Variants in SEC22B observed in about 807,000 individuals in gnomAD.
SEC22B encodes the protein vesicle-trafficking protein SEC22b.
In SEC22B, 10 loss-of-function variants were observed where a neutral mutation model predicts 31.4. That is an observed-to-expected ratio of 0.32 (90% CI 0.20 to 0.54). The LOEUF (loss-of-function observed/expected upper bound fraction) is 0.54, where lower values mean the gene tolerates loss of function less well. Among genes scored for constraint, SEC22B ranks in the 20% least tolerant of loss-of-function variants. SEC22B has a pLI of 0.94. For missense variants in SEC22B, 130 were observed against 263.4 expected (o/e 0.49, Z 3.50); for synonymous variants, 60 against 95.9 (o/e 0.63, Z 2.19).
rs1553230195 is a variant in SEC22B, at chr1:120,176,325, C to G, written c.57G>C (p.Ser19=). ...AGCTCACCTGTTCGTCCTCCTGCAT[C>G]GAGGCGGCCAGCGGGAGCCCGTCCG... ...RVADGLPLAA[S]MQEDEQSGRD... The change falls in exon 1 of 5, where the codon TCG becomes TCC. Residue 19 remains serine (S), a synonymous_variant. Transcript: ENST00000578049. 6.2e-7 allele frequency: 1 copy of G among 1,612,022 alleles called. No homozygotes were observed. Among genetic ancestry groups the G allele is most frequent in the East Asian group, 2.2e-5 (1 of 44,848 alleles).
intron 2 of SEC22B, among the ~76,000 whole-genome samples, chr1:120,164,552 T>G (rs1182245870): frequency 6.6e-6 from 1 of 152,064 alleles, no homozygotes; most frequent in Non-Finnish European, 1.5e-5. Flanking sequence ...TTAATTCACT[T>G]AGGTAATGAC....
chr1:120,176,401 C>T lies in SEC22B; in HGVS notation c.-20G>A. On this transcript the variant is annotated 5_prime_UTR_variant, in exon 1 of 5. Coordinates refer to ENST00000578049, the MANE Select transcript of SEC22B (RefSeq NM_004892.6). ...CACCATCTTCACAAACTACAGGGAT[C>T]CAACACTGGCCCGGAAGGCCCTTGG... is the stretch of plus-strand genomic sequence containing the variant. 3 of 1,612,002 alleles carry T rather than the reference C, an allele frequency of 1.9e-6. No individual in the cohort carries two copies. Among genetic ancestry groups the T allele is most frequent in the Non-Finnish European group, 2.5e-6 (3 of 1,178,540 alleles).
rs1254628619 is a variant in SEC22B, at chr1:120,154,090, A to G, written c.*2948T>C. 7 of 151,522 alleles carry G rather than the reference A, an allele frequency of 4.6e-5. No homozygotes were observed. The highest frequency in any genetic ancestry group is 4.6e-4 in the Admixed American group (7 of 15,206). The allele number at this position is 151,522 out of a possible 1,614,324, so 9.4% of individuals were successfully genotyped here. On this transcript the variant is annotated 3_prime_UTR_variant, in exon 5 of 5. Transcript: ENST00000578049. Reference sequence around the variant, plus strand: ...GTCTTTACTTCCTAGTGGTTTACACACTCTTTAACCCATATGGCAATCTGG... The same window carrying G: ...GTCTTTACTTCCTAGTGGTTTACACGCTCTTTAACCCATATGGCAATCTGG...
intron 3 of SEC22B, 35 bp from the exon 4 acceptor site, chr1:120,160,565 T>A (rs1657698646): frequency 1.2e-5 from 19 of 1,526,868 alleles, no homozygotes; most frequent in Non-Finnish European, 1.5e-5. Flanking sequence ...ATTTCTTTCA[T>A]GGCCATCAAA....
chr1:120,151,209 G>A lies in SEC22B; in HGVS notation c.*5829C>T, dbSNP rs1245303765. On this transcript the variant is annotated 3_prime_UTR_variant, in exon 5 of 5. Coordinates refer to ENST00000578049, the MANE Select transcript of SEC22B (RefSeq NM_004892.6). Reference sequence around the variant, plus strand: ...AGGCACAGAGTGAGCCAAGGCACAAGGTAAAATGTTTGACTGGTTAGAGAC... The same window carrying A: ...AGGCACAGAGTGAGCCAAGGCACAAAGTAAAATGTTTGACTGGTTAGAGAC... 7.2e-5 allele frequency: 11 copies of A among 152,114 alleles called. No individual in the cohort carries two copies. The highest frequency in any genetic ancestry group is 2.4e-4 in the African/African-American group (10 of 41,412). The allele number at this position is 152,114 out of a possible 1,614,324, so 9.4% of individuals were successfully genotyped here.
rs1657750324 is a variant in SEC22B at position 120,163,361 on chromosome 1, A to G, written c.195T>C (p.Ile65=). The change falls in exon 3 of 5, where the codon ATT becomes ATC. Residue 65 remains isoleucine, a synonymous_variant. Transcript: ENST00000578049. ...AAACCAAATAACACACCCCCTGCTC[A>G]ATAATGTAGCTGGTGAGACATAAAA... ...EAGAMTFHYI[I]EQGVCYLVLC... is the part of the protein sequence containing the mutation. The G allele has an allele frequency of 1.3e-6, 2 of 1,591,238 alleles. No homozygotes were observed. Among genetic ancestry groups the G allele is most frequent in the Non-Finnish European group, 8.5e-7 (1 of 1,169,872 alleles).
chr1:120,157,059 A>G lies in SEC22B; in HGVS notation c.627T>C (p.Tyr209=), dbSNP rs1657638981. The change falls in exon 5 of 5, where the codon TAT becomes TAC. Residue 209 remains tyrosine, a synonymous_variant. Transcript: ENST00000578049. The stretch of plus-strand genomic sequence containing the variant: ...TATTTCACAGCCACCAGAATCGGAC[A>G]TACACTATTAACATGATGAAAAATA... ...VAVFFIMLIV[Y]VRFWWL is the part of the protein sequence containing the mutation. 2.0e-6 allele frequency: 3 copies of G among 1,519,172 alleles called. No individual in the cohort carries two copies. The highest frequency in any genetic ancestry group is 1.8e-5 in the Admixed American group (1 of 54,572). 94.1% of individuals were successfully genotyped at this position (1,519,172 alleles called of 1,614,324 possible). A position where few individuals can be genotyped will look rare whatever the true frequency, so the allele number is the denominator to read the frequency against.
At chr1:120,160,911 C>A (rs1355894578) in intron 3 of SEC22B, among the ~76,000 whole-genome samples, 4 of 142,568 alleles carry the variant, frequency 2.8e-5, no homozygotes, top group South Asian at 2.2e-4. Flanking sequence ...AAAAAAAAAA[C>A]CAAAACAGTT....
At chr1:120,171,289 A>G (rs1657892220) in intron 1 of SEC22B, among the ~76,000 whole-genome samples, 1 of 119,196 alleles carries the variant, frequency 8.4e-6, no homozygotes, top group Non-Finnish European at 1.6e-5. Flanking sequence ...AAAAATTGCC[A>G]CTCAGATTGG....
chr1:120,170,803 G>A (rs1486239208), intron 1 of SEC22B, among the ~76,000 whole-genome samples: 1 of 148,276 alleles, frequency 6.7e-6, no homozygotes, highest in Non-Finnish European at 1.5e-5. Flanking sequence ...ACTGTCATAT[G>A]CTTTTAGCCA....
intron 1 of SEC22B, among the ~76,000 whole-genome samples, chr1:120,175,974 C>A (rs1553230167): frequency 6.6e-6 from 1 of 152,270 alleles, no homozygotes; most frequent in East Asian, 1.9e-4. Context: ...ATCAGCAGTC[C>A]TATTAGCAGC....
chr1:120,160,598 G>T, intron 3 of SEC22B, 68 bp from the exon 4 acceptor site: 1 of 1,437,944 alleles, frequency 7.0e-7, no homozygotes, highest in South Asian at 1.4e-5. Context: ...GAGATTAAAA[G>T]TTCTGAGTTG....
intron 4 of SEC22B, chr1:120,158,009 G>A (rs1422383057): frequency 1.5e-5 from 2 of 134,886 alleles, no homozygotes; most frequent in Non-Finnish European, 1.5e-5. Flanking sequence ...TAGCCAGATA[G>A]ACACAAGCTA....
chr1:120,157,097 C>G lies in SEC22B; in HGVS notation c.589G>C (p.Ala197Pro). The change falls in exon 5 of 5, where the codon GCA becomes CCA. Residue 197 changes from alanine to proline, a missense_variant. Around this residue, in one of 4 missense-constraint regions of SEC22B, gnomAD observed 4 missense variants for 48.8 expected, o/e 0.08. Transcript: ENST00000578049. ...ATGATGAAAAATACAGCTACTGCTG[C>G]AAGTTTGGCATAAGTGGAACGCATG... ...LNMRSTYAKL[A>P]AVAVFFIMLI... 1 of 1,586,452 alleles carries G rather than the reference C, an allele frequency of 6.3e-7. No homozygotes were observed. Among genetic ancestry groups the G allele is most frequent in the Non-Finnish European group, 8.6e-7 (1 of 1,162,322 alleles).
chr1:120,156,950 T>C lies in SEC22B; in HGVS notation c.*88A>G, dbSNP rs1657637674. On this transcript the variant is annotated 3_prime_UTR_variant, in exon 5 of 5. Coordinates refer to ENST00000578049, the MANE Select transcript of SEC22B (RefSeq NM_004892.6). Reference sequence around the variant, plus strand: ...AGAGGCAGAAGTTCCACTTGGATTCTAATACACATCTCTGTGAGCTCAGTT... The same window carrying C: ...AGAGGCAGAAGTTCCACTTGGATTCCAATACACATCTCTGTGAGCTCAGTT... 5 of 565,340 alleles carry C rather than the reference T, an allele frequency of 8.8e-6. No homozygotes were observed. Among genetic ancestry groups the C allele is most frequent in the Non-Finnish European group, 1.1e-5 (4 of 358,864 alleles). 35.0% of individuals were successfully genotyped at this position (565,340 alleles called of 1,614,324 possible). A position where few individuals can be genotyped will look rare whatever the true frequency, so the allele number is the denominator to read the frequency against.
In SEC22B at chr1:120,156,522, G is replaced by C. The variant is rs1247224563; in HGVS notation, c.*516C>G. On this transcript the variant is annotated 3_prime_UTR_variant, in exon 5 of 5. Coordinates refer to ENST00000578049, the MANE Select transcript of SEC22B (RefSeq NM_004892.6). ...CACAGCAATTAACCTTCACATACTGGAGTCTTGTTTAAAAGGCCATCAAAA... is the reference window on the plus strand; with the variant it reads ...CACAGCAATTAACCTTCACATACTGCAGTCTTGTTTAAAAGGCCATCAAAA... 1.4e-5 allele frequency: 2 copies of C among 139,498 alleles called. No homozygotes were observed. The highest frequency in any genetic ancestry group is 2.7e-5 in the African/African-American group (1 of 37,284). The allele number at this position is 139,498 out of a possible 1,614,324, so 8.6% of individuals were successfully genotyped here. A position where few individuals can be genotyped will look rare whatever the true frequency, so the allele number is the denominator to read the frequency against.
At chr1:120,172,808 T>A (rs1657910959) in intron 1 of SEC22B, among the ~76,000 whole-genome samples, 1 of 99,894 alleles carries the variant, frequency 1.0e-5, no homozygotes, top group Non-Finnish European at 1.8e-5. Flanking sequence ...TTATGAGATA[T>A]CTATTAGTAA....
At chr1:120,172,923 A>T (rs1411141749) in intron 1 of SEC22B, among the ~76,000 whole-genome samples, 1 of 143,360 alleles carries the variant, frequency 7.0e-6, no homozygotes, top group Non-Finnish European at 1.5e-5. Flanking sequence ...AAAAGATAGA[A>T]GGTAGTAACT....
chr1:120,160,838 G>A (rs1199119803), intron 3 of SEC22B, among the ~76,000 whole-genome samples: 301 of 151,130 alleles, frequency 2.0e-3, no homozygotes, highest in Non-Finnish European at 3.5e-3. Flanking sequence ...GCAGTGAGCC[G>A]AGATCACACC....
Sources: gnomAD v4.1 joint callset for allele counts (sites outside exome capture counted in the v4.1 genomes callset) on GRCh38, gnomAD v4.1.1 for gene constraint, gnomAD v4.1.1 regional missense constraint, MANE v1.5 for transcripts, NCBI Gene and HGNC (gene_info 2026-07-23, HGNC 2026-07-21) for gene names.